The following GAP43 variants were observed in gnomAD, a reference collection of about 807,000 sequenced individuals.
The protein encoded by GAP43 is growth associated protein 43, also known as neuromodulin.
Under a neutral mutation model 18.6 loss-of-function variants are expected in GAP43, and 6 were observed. That is an observed-to-expected ratio of 0.32 (90% CI 0.18 to 0.64). The LOEUF (loss-of-function observed/expected upper bound fraction) is 0.64, where lower values mean the gene tolerates loss of function less well. Among genes scored for constraint, GAP43 ranks in the 30% least tolerant of loss-of-function variants. The pLI, the probability that GAP43 is intolerant of heterozygous loss-of-function variation, is 0.78. For synonymous variants in GAP43, 115 were observed against 111.4 expected, an observed-to-expected ratio of 1.03 and a Z score of -0.20; for missense variants, 292 against 295.5, an observed-to-expected ratio of 0.99 and a Z score of 0.09.
intron 2 of GAP43, among the ~76,000 whole-genome samples, chr3:115,713,704 A>G (rs1709468050): frequency 6.6e-6 from 1 of 152,228 alleles, no homozygotes; most frequent in Non-Finnish European, 1.5e-5. Context: ...TTTGGCATAC[A>G]TCTTTCAAGG....
At chr3:115,662,509 GA>G (rs1708675827) in intron 1 of GAP43, among the ~76,000 whole-genome samples, 1 of 152,190 alleles carries the variant, frequency 6.6e-6, no homozygotes, top group African/African-American at 2.4e-5. Context: ...GCAAACCACA[GA>G]GAGAGTTGGC....
At position 115,648,035 on chromosome 3, in the gene GAP43, A is replaced by G. The variant is rs917193012; in HGVS notation, c.30+24316A>G. On this transcript the variant is annotated intron_variant, in intron 1 of 2. Coordinates refer to ENST00000305124, the MANE Select transcript of GAP43 (RefSeq NM_002045.4). ...GGGTCATTTTCAGTGCCTATGACAC[A>G]TGAAGAAAAGTCTCTGCCAATACAT... Among the ~76,000 whole-genome samples the G allele has an allele frequency of 7.2e-5, 11 of 152,182 alleles. No individual in the cohort carries two copies. The East Asian group carries it at 1.7e-3, about 24-fold the overall frequency.
chr3:115,699,655 A>C (rs186042640), intron 2 of GAP43, among the ~76,000 whole-genome samples: 5 of 152,318 alleles, frequency 3.3e-5, no homozygotes, highest in Admixed American at 1.3e-4. Context: ...AGAGAGGGTG[A>C]AAACCCCCAA....
chr3:115,718,616 C>T (rs773396022), intron 2 of GAP43, among the ~76,000 whole-genome samples: 1 of 152,102 alleles, frequency 6.6e-6, no homozygotes, highest in Non-Finnish European at 1.5e-5. Context: ...GGTAGCATCA[C>T]TAGAATAGCT....
At chr3:115,668,704 A>C (rs1431783537) in intron 1 of GAP43, among the ~76,000 whole-genome samples, 2 of 152,112 alleles carry the variant, frequency 1.3e-5, no homozygotes. Flanking sequence ...GATTACAGGC[A>C]TGAGCCACAG....
At chr3:115,695,477 A>G (rs1036350748) in intron 2 of GAP43, among the ~76,000 whole-genome samples, 2 of 152,220 alleles carry the variant, frequency 1.3e-5, no homozygotes, top group South Asian at 2.1e-4. Context: ...CTTAGTGAGC[A>G]TATAATCTAA....
intron 1 of GAP43, among the ~76,000 whole-genome samples, chr3:115,624,765 G>A (rs1437391862): frequency 1.3e-5 from 2 of 152,064 alleles, no homozygotes; most frequent in Non-Finnish European, 2.9e-5. Flanking sequence ...CGCAGCAACC[G>A]ACCATGCCAT....
At chr3:115,659,642 G>T (rs1344782580) in intron 1 of GAP43, among the ~76,000 whole-genome samples, 1 of 152,044 alleles carries the variant, frequency 6.6e-6, no homozygotes. Context: ...AGGGAAGAGG[G>T]GCAAGGTGTC....
chr3:115,671,030 T>C (rs1411390589), intron 1 of GAP43, among the ~76,000 whole-genome samples: 1 of 152,210 alleles, frequency 6.6e-6, no homozygotes, highest in African/African-American at 2.4e-5. Context: ...GAAGTAGATA[T>C]AGGGCCAAGT....
intron 2 of GAP43, among the ~76,000 whole-genome samples, chr3:115,681,589 GT>G (rs1239430378): frequency 1.3e-5 from 2 of 152,198 alleles, no homozygotes; most frequent in Non-Finnish European, 2.9e-5. Context: ...TTTTAGGCAA[GT>G]TATTGCTTCT....
At chr3:115,718,818 G>A (rs1709542009) in intron 2 of GAP43, among the ~76,000 whole-genome samples, 1 of 152,140 alleles carries the variant, frequency 6.6e-6, no homozygotes, top group Admixed American at 6.5e-5. Flanking sequence ...CTACTGAAGA[G>A]CTCTAAAAGA....
intron 1 of GAP43, among the ~76,000 whole-genome samples, chr3:115,669,971 AT>A (rs1253749079): frequency 0.1 from 9,500 of 95,332 alleles, 737 homozygotes; most frequent in African/African-American, 0.23. Context: ...TTTTATTTTT[AT>A]TTTTTTTTTT....
intron 2 of GAP43, among the ~76,000 whole-genome samples, chr3:115,707,302 T>G (rs553049703): frequency 2.0e-4 from 31 of 152,292 alleles, no homozygotes; most frequent in Admixed American, 1.5e-3. Flanking sequence ...TTGTTTGTTA[T>G]TTATTTGTTT....
At chr3:115,694,525 C>T (rs1709159552) in intron 2 of GAP43, among the ~76,000 whole-genome samples, 1 of 152,146 alleles carries the variant, frequency 6.6e-6, no homozygotes, top group African/African-American at 2.4e-5. Context: ...TATCTTGTGC[C>T]AGGCTTTCTG....
In GAP43 at chr3:115,697,984, C is replaced by CGT. The variant is rs62915860; in HGVS notation, c.628+21399_628+21400dup. ...CATAAAAATTCACAGAGTACATGTG[C>CGT]GTGTGTGTGTGTGTGTGTGTGTGTG... On this transcript the variant is annotated intron_variant, in intron 2 of 2. Transcript: ENST00000305124. Among the ~76,000 whole-genome samples, 120 of 110,896 alleles carry CGT rather than the reference C, an allele frequency of 1.1e-3. 1 individual carries two copies. Among genetic ancestry groups the CGT allele is most frequent in the African/African-American group, 3.7e-3 (105 of 28,060 alleles). 72.8% of individuals were successfully genotyped at this position (110,896 alleles called of 152,430 possible). A position where few individuals can be genotyped will look rare whatever the true frequency, so the allele number is the denominator to read the frequency against.
At chr3:115,624,464 CA>C (rs1347433731) in intron 1 of GAP43, among the ~76,000 whole-genome samples, 10 of 152,166 alleles carry the variant, frequency 6.6e-5, no homozygotes, top group African/African-American at 2.4e-4. Context: ...ATGGGAAAGA[CA>C]GCCGGGTATT....
chr3:115,623,929 G>A (rs544531843), intron 1 of GAP43, among the ~76,000 whole-genome samples: 1 of 152,150 alleles, frequency 6.6e-6, no homozygotes, highest in East Asian at 1.9e-4. Context: ...ATTAGGGTGA[G>A]GGTAGAAAAA....
intron 1 of GAP43, among the ~76,000 whole-genome samples, chr3:115,632,790 C>T (rs1017808513): frequency 6.6e-6 from 1 of 152,046 alleles, no homozygotes; most frequent in African/African-American, 2.4e-5. Context: ...GGTGTGTTAA[C>T]TAGAAATTTG....
chr3:115,708,130 G>A (rs1433616343), intron 2 of GAP43, among the ~76,000 whole-genome samples: 3 of 152,180 alleles, frequency 2.0e-5, no homozygotes, highest in Non-Finnish European at 4.4e-5. Flanking sequence ...CTCTGCTTTT[G>A]TGGAGTTAAA....
Sources: gnomAD v4.1 joint callset for allele counts (sites outside exome capture counted in the v4.1 genomes callset) on GRCh38, gnomAD v4.1.1 for gene constraint, MANE v1.5 for transcripts, NCBI Gene and HGNC (gene_info 2026-07-23, HGNC 2026-07-21) for gene names.